Variants in TXLNB observed in about 807,000 individuals in gnomAD.
The protein encoded by TXLNB is taxilin beta.
In TXLNB, 37 loss-of-function variants were observed where a neutral mutation model predicts 57.4. That is an observed-to-expected ratio of 0.64 (90% CI 0.50 to 0.85). TXLNB has a LOEUF of 0.85. Among genes scored for constraint, TXLNB ranks in the 40% least tolerant of loss-of-function variants. The pLI, the probability that TXLNB is intolerant of heterozygous loss-of-function variation, is 0.00. For missense variants in TXLNB, 848 were observed against 825.6 expected, an observed-to-expected ratio of 1.03 and a Z score of -0.33; for synonymous variants, 302 against 309.6, an observed-to-expected ratio of 0.98 and a Z score of 0.26.
At chr6:139,214,678 G>A in the TXLNB span, among the ~76,000 whole-genome samples, 237 of 152,280 alleles carry the variant, frequency 1.6e-3, 7 homozygotes, top group South Asian at 0.045. Flanking sequence ...AGGAAAAGAG[G>A]AAGTCAAATT....
the TXLNB span, among the ~76,000 whole-genome samples, chr6:139,231,726 T>C: frequency 1.3e-5 from 2 of 152,076 alleles, no homozygotes; most frequent in African/African-American, 4.8e-5. Context: ...GTAAGGAATC[T>C]CTAGTCTGAG....
intron 3 of TXLNB, 95 bp downstream of exon 3, chr6:139,276,735 T>C (rs908011656): frequency 2.2e-6 from 2 of 903,526 alleles, no homozygotes; most frequent in African/African-American, 3.3e-5. Flanking sequence ...TGTTTACAAT[T>C]CATTCTCGGA....
chr6:139,167,545 G>A, the TXLNB span, among the ~76,000 whole-genome samples: 3 of 152,172 alleles, frequency 2.0e-5, no homozygotes, highest in Non-Finnish European at 4.4e-5. Context: ...ATAATTTTGT[G>A]TGTTCTGTAA....
the TXLNB span, among the ~76,000 whole-genome samples, chr6:139,165,709 A>C: frequency 6.6e-6 from 1 of 152,056 alleles, no homozygotes; most frequent in Non-Finnish European, 1.5e-5. Flanking sequence ...ATATCCATGA[A>C]TCATGTTTAT....
At chr6:139,229,117 G>C in the TXLNB span, among the ~76,000 whole-genome samples, 1 of 152,076 alleles carries the variant, frequency 6.6e-6, no homozygotes, top group Non-Finnish European at 1.5e-5. Context: ...TTTTATTTTT[G>C]CACATTAGGG....
chr6:139,302,491 C>T, the TXLNB span, among the ~76,000 whole-genome samples: 1 of 151,244 alleles, frequency 6.6e-6, no homozygotes, highest in African/African-American at 2.4e-5. Flanking sequence ...TAGCTGGGTG[C>T]GGTGGCTCAC....
At chr6:139,205,430 G>A in the TXLNB span, among the ~76,000 whole-genome samples, 1 of 152,122 alleles carries the variant, frequency 6.6e-6, no homozygotes, top group African/African-American at 2.4e-5. Flanking sequence ...TTAAAAAATA[G>A]TCCAGGATAT....
chr6:139,294,182 CA>C (rs1345602009), upstream of TXLNB, among the ~76,000 whole-genome samples: 5 of 152,074 alleles, frequency 3.3e-5, no homozygotes, highest in African/African-American at 1.2e-4. Context: ...AAATTAATAA[CA>C]CTACTTTTAT....
chr6:139,169,955 C>T, the TXLNB span: 2 of 152,230 alleles, frequency 1.3e-5, no homozygotes, highest in African/African-American at 4.8e-5. Flanking sequence ...GAGCTCCCTA[C>T]AAACTCCCCG....
At position 139,273,118 on chromosome 6, in the gene TXLNB, G is replaced by A. The variant is rs562611440; in HGVS notation, c.517-2492C>T. ...TCTGGCGTAGACTTTACCTTCTGAA[G>A]ATTAAACCATATGTCAGGGCTTCTG... On this transcript the variant is annotated intron_variant, in intron 3 of 9. Coordinates refer to ENST00000358430, the MANE Select transcript of TXLNB (RefSeq NM_153235.4). Among the ~76,000 whole-genome samples the A allele has an allele frequency of 9.6e-4, 146 of 152,352 alleles. 2 individuals carry two copies. The highest frequency in any genetic ancestry group is 6.8e-3 in the Admixed American group (104 of 15,308).
At chr6:139,277,470 C>T (rs552169180) in intron 2 of TXLNB, among the ~76,000 whole-genome samples, 53 of 152,200 alleles carry the variant, frequency 3.5e-4, no homozygotes, top group African/African-American at 1.2e-3. Context: ...TTAGGGGGAA[C>T]CAAGTTTCTC....
intron 4 of TXLNB, among the ~76,000 whole-genome samples, chr6:139,263,454 T>C (rs1182127848): frequency 6.6e-6 from 1 of 152,238 alleles, no homozygotes; most frequent in Non-Finnish European, 1.5e-5. Context: ...AAATGTTCAA[T>C]GTAAATTTTG....
At position 139,241,127 on chromosome 6, in the gene TXLNB, C is replaced by A. The variant is rs1333766389; in HGVS notation, c.*1399G>T. 2 of 152,154 alleles carry A rather than the reference C, an allele frequency of 1.3e-5. No homozygotes were observed. Among genetic ancestry groups the A allele is most frequent in the Non-Finnish European group, 2.9e-5 (2 of 68,040 alleles). 9.4% of individuals were successfully genotyped at this position (152,154 alleles called of 1,614,324 possible). ...GTTAATGTAATACTCATGTTGACAA[C>A]CCCAAGTGTTTCTAGCTTTTGCCTT... On this transcript the variant is annotated 3_prime_UTR_variant, in exon 10 of 10. Coordinates refer to ENST00000358430, the MANE Select transcript of TXLNB (RefSeq NM_153235.4).
chr6:139,174,675 G>A, the TXLNB span: 1 of 1,274,096 alleles, frequency 7.8e-7, no homozygotes, highest in Non-Finnish European at 1.1e-6. Flanking sequence ...TTGTAATGTA[G>A]TCATTTAGTG....
chr6:139,278,358 C>G (rs1282863994), intron 2 of TXLNB, among the ~76,000 whole-genome samples: 2 of 152,122 alleles, frequency 1.3e-5, no homozygotes, highest in Non-Finnish European at 2.9e-5. Flanking sequence ...TCTATCTTTG[C>G]CTAGTGAGTC....
At chr6:139,216,388 C>T in the TXLNB span, among the ~76,000 whole-genome samples, 2 of 149,060 alleles carry the variant, frequency 1.3e-5, no homozygotes, top group Non-Finnish European at 3.0e-5. Flanking sequence ...AAAAACCAAA[C>T]ACCGCGTGTT....
intron 4 of TXLNB, among the ~76,000 whole-genome samples, chr6:139,266,686 T>TGAAGAAATAATGGCTG (rs1776623179): frequency 6.6e-6 from 1 of 151,960 alleles, no homozygotes; most frequent in African/African-American, 2.4e-5. Context: ...AAAAACTATT[T>TGAAGAAATAATGGCTG]GAAGAAATAA....
At chr6:139,299,415 G>A in the TXLNB span, among the ~76,000 whole-genome samples, 1 of 152,220 alleles carries the variant, frequency 6.6e-6, no homozygotes. Context: ...ATGGCAAGAA[G>A]AAGGCAATAA....
the TXLNB span, among the ~76,000 whole-genome samples, chr6:139,319,785 A>C: frequency 6.6e-6 from 1 of 152,166 alleles, no homozygotes; most frequent in Non-Finnish European, 1.5e-5. Context: ...AATAAGTAAA[A>C]GGAGCAACAT....
Sources: gnomAD v4.1 joint callset for allele counts (sites outside exome capture counted in the v4.1 genomes callset) on GRCh38, gnomAD v4.1.1 for gene constraint, MANE v1.5 for transcripts, NCBI Gene and HGNC (gene_info 2026-07-23, HGNC 2026-07-21) for gene names.